Variants in INSR observed in about 807,000 individuals in gnomAD.
The protein encoded by INSR is IR.
In INSR, 67 loss-of-function variants were observed where a neutral mutation model predicts 142.6. The ratio of observed to expected loss-of-function variants is 0.47; its 90% CI spans 0.39 to 0.58. INSR has a LOEUF of 0.58. INSR is among the 20% of genes least tolerant of loss of function. INSR has a pLI of 0.00. For missense variants in INSR, 1,248 were observed against 1,833.2 expected, an observed-to-expected ratio of 0.68 and a Z score of 5.83; for synonymous variants, 756 against 743.1, an observed-to-expected ratio of 1.02 and a Z score of -0.28.
chr19:7,267,824 C>T lies in INSR; in HGVS notation c.173G>A (p.Gly58Glu). ...HELENCSVIE[G>E]HLQILLMFKT... ...GAACATCAAGAGTATCTGCAAGTGT[C>T]CTTCGATGACAGAGCAATTCTCCAG... The change falls in exon 2 of 22, where the codon GGA (glycine) becomes GAA (glutamate). Residue 58 changes from glycine (G) to glutamate (E), a missense_variant. By Grantham distance (98) the Gly-to-Glu change is moderately conservative. Transcript: ENST00000302850. This position sits in a 1 kb window ranked among gnomAD's most constrained non-coding sequence, Gnocchi z 6.3. 1 of 1,614,046 alleles carries T rather than the reference C, an allele frequency of 6.2e-7. No individual in the cohort carries two copies.
At chr19:7,282,077 C>T (rs548192099) in intron 1 of INSR, among the ~76,000 whole-genome samples, 125 of 152,224 alleles carry the variant, frequency 8.2e-4, no homozygotes, top group African/African-American at 2.9e-3. Context: ...TAAAACCCCG[C>T]GAGCCGGCGG....
intron 11 of INSR, among the ~76,000 whole-genome samples, chr19:7,144,982 T>G (rs1294030605): frequency 6.6e-6 from 1 of 152,068 alleles, no homozygotes; most frequent in Non-Finnish European, 1.5e-5. Flanking sequence ...TGTCTAGATC[T>G]TTAACCCAAG....
At chr19:7,271,830 C>A (rs928043584) in intron 1 of INSR, among the ~76,000 whole-genome samples, 4 of 151,128 alleles carry the variant, frequency 2.6e-5, no homozygotes, top group African/African-American at 7.3e-5. Flanking sequence ...GGCAACATAG[C>A]GAGTCTCCAT....
intron 1 of INSR, among the ~76,000 whole-genome samples, chr19:7,289,466 T>G (rs907918958): frequency 2.8e-4 from 41 of 148,952 alleles, no homozygotes; most frequent in African/African-American, 9.8e-4. Context: ...AATGCAATGG[T>G]GTGATCTCGG....
At chr19:7,280,422 T>TA (rs1203101048) in intron 1 of INSR, among the ~76,000 whole-genome samples, 3 of 150,024 alleles carry the variant, frequency 2.0e-5, no homozygotes, top group African/African-American at 4.9e-5. Flanking sequence ...ACCAAAAATA[T>TA]AAAAAATTAG....
intron 3 of INSR, among the ~76,000 whole-genome samples, chr19:7,178,234 G>A (rs1037788511): frequency 8.4e-6 from 1 of 118,806 alleles, no homozygotes; most frequent in Non-Finnish European, 1.7e-5. Flanking sequence ...GGAATGTCGG[G>A]GTGACTTGTG....
intron 13 of INSR, among the ~76,000 whole-genome samples, chr19:7,139,138 A>C (rs983866276): frequency 6.6e-6 from 1 of 152,170 alleles, no homozygotes; most frequent in African/African-American, 2.4e-5. Context: ...ATGAGGACAA[A>C]GCTCCAAGTG....
chr19:7,227,962 G>A (rs1231235243), intron 2 of INSR, among the ~76,000 whole-genome samples: 2 of 151,796 alleles, frequency 1.3e-5, no homozygotes, highest in African/African-American at 4.8e-5. Flanking sequence ...AGAAACCAGG[G>A]TAGCATCACC....
rs1972249542 is a variant in INSR, at chr19:7,113,357, C to T, written c.*3699G>A. 6.6e-6 allele frequency: 1 copy of T among 152,164 alleles called. No individual in the cohort carries two copies. Among genetic ancestry groups the T allele is most frequent in the African/African-American group, 2.4e-5 (1 of 41,422 alleles). The allele number at this position is 152,164 out of a possible 1,614,324, so 9.4% of individuals were successfully genotyped here. A position where few individuals can be genotyped will look rare whatever the true frequency, so the allele number is the denominator to read the frequency against. On this transcript the variant is annotated 3_prime_UTR_variant, in exon 22 of 22. Coordinates refer to ENST00000302850, the MANE Select transcript of INSR (RefSeq NM_000208.4). ...CCTATGCAGACCCTTGTGTCAGTTC[C>T]CACAGCTTCTCTCAATCATCCTCAG...
At chr19:7,194,963 C>T (rs913079621) in intron 2 of INSR, among the ~76,000 whole-genome samples, 3 of 151,994 alleles carry the variant, frequency 2.0e-5, no homozygotes, top group Non-Finnish European at 2.9e-5. Flanking sequence ...ATAGATGACA[C>T]AAAAACCCCA....
At chr19:7,154,478 A>AT (rs1198987273) in intron 9 of INSR, among the ~76,000 whole-genome samples, 4 of 149,638 alleles carry the variant, frequency 2.7e-5, no homozygotes, top group Admixed American at 6.6e-5. Context: ...AATTTGTTGT[A>AT]TTTTTAGTAG....
chr19:7,214,378 C>T (rs1486746442), intron 2 of INSR, among the ~76,000 whole-genome samples: 1 of 152,182 alleles, frequency 6.6e-6, no homozygotes, highest in Non-Finnish European at 1.5e-5. Flanking sequence ...CAAGACAAGA[C>T]GGCTAGGCCG....
chr19:7,280,259 G>A (rs865955520), intron 1 of INSR, among the ~76,000 whole-genome samples: 16 of 150,294 alleles, frequency 1.1e-4, no homozygotes, highest in Non-Finnish European at 7.4e-5. Context: ...GCGAGACTCC[G>A]TCTCATAACA....
At chr19:7,271,022 A>G (rs1445043839) in intron 1 of INSR, among the ~76,000 whole-genome samples, 1 of 151,966 alleles carries the variant, frequency 6.6e-6, no homozygotes, top group Non-Finnish European at 1.5e-5. Context: ...AGATCACACC[A>G]CTGCACTCCA....
At chr19:7,174,515 C>T (rs1974090303) in intron 4 of INSR, 68 bp downstream of exon 4, 4 of 1,582,778 alleles carry the variant, frequency 2.5e-6, no homozygotes, top group East Asian at 2.2e-5. Context: ...TGCTTTTCTT[C>T]CCCGCTCACA....
At chr19:7,170,508 G>A in intron 6 of INSR, 29 bp downstream of exon 6, 1 of 1,565,834 alleles carries the variant, frequency 6.4e-7, no homozygotes, top group East Asian at 2.2e-5. Context: ...GGTCCCTCAT[G>A]CCAAAAAGGT....
chr19:7,285,801 T>A (rs1968330845), intron 1 of INSR, among the ~76,000 whole-genome samples: 1 of 151,882 alleles, frequency 6.6e-6, no homozygotes, highest in Admixed American at 6.6e-5. Flanking sequence ...GGAGAACAGA[T>A]CTGTGGTTAG....
At chr19:7,284,163 C>G (rs1027188925) in intron 1 of INSR, among the ~76,000 whole-genome samples, 1 of 151,828 alleles carries the variant, frequency 6.6e-6, no homozygotes, top group African/African-American at 2.4e-5. Flanking sequence ...CTCCTAGGCT[C>G]GAGCAATTCT....
rs1276327445 is a variant in INSR at position 7,150,996 on chromosome 19, TTTCC to T, written c.2232-468_2232-465del. 1.3e-5 allele frequency among the ~76,000 whole-genome samples: 2 copies of T among 151,148 alleles called. No individual in the cohort carries two copies. Among genetic ancestry groups the T allele is most frequent in the Non-Finnish European group, 3.0e-5 (2 of 67,756 alleles). ...TACTTTCTTTCTCTCTTTTTCCCTC[TTTCC>T]TTCCTTCATTTGCTTTCTTTCTCTT... On this transcript the variant is annotated intron_variant, in intron 10 of 21. Transcript: ENST00000302850. The surrounding 1 kb of genome is among the most constrained non-coding windows in gnomAD (Gnocchi z 4.2).
Sources: gnomAD v4.1 joint callset for allele counts (sites outside exome capture counted in the v4.1 genomes callset) on GRCh38, gnomAD v4.1.1 for gene constraint, Gnocchi (gnomAD v3.1) non-coding constraint, MANE v1.5 for transcripts, NCBI Gene and HGNC (gene_info 2026-07-23, HGNC 2026-07-21) for gene names.